Variants in TP63 observed in about 807,000 individuals in gnomAD.
TP63 encodes the protein tumor protein p63.
TP63 carries 17 observed loss-of-function variants against 82.8 expected under a neutral mutation model. The ratio of observed to expected loss-of-function variants is 0.21; its 90% confidence interval spans 0.14 to 0.31. TP63 has a LOEUF of 0.31. Among genes scored for constraint, TP63 ranks in the 10% least tolerant of loss-of-function variants. The pLI is 1.00. For missense variants in TP63, 648 were observed against 895.3 expected (o/e 0.72, Z 3.52); for synonymous variants, 330 against 321.7 (o/e 1.03, Z -0.28).
At chr3:189,691,305 C>T (rs1222300572) in intron 1 of TP63, among the ~76,000 whole-genome samples, 2 of 132,776 alleles carry the variant, frequency 1.5e-5, no homozygotes, top group African/African-American at 5.6e-5. Flanking sequence ...TGCCACTGCA[C>T]TCCAGCCTGG....
intron 4 of TP63, among the ~76,000 whole-genome samples, chr3:189,861,080 T>G (rs79236509): frequency 0.031 from 4,747 of 151,908 alleles, 227 homozygotes; most frequent in African/African-American, 0.1. Context: ...GTTTTTGTGG[T>G]TTTTTTTCGT....
intron 1 of TP63, among the ~76,000 whole-genome samples, chr3:189,635,536 G>A (rs1386682171): frequency 6.6e-6 from 1 of 152,014 alleles, no homozygotes; most frequent in East Asian, 1.9e-4. Context: ...TCTCCTGCAG[G>A]AGAGTGAAGT....
At chr3:189,667,388 T>C (rs1332658959) in intron 1 of TP63, among the ~76,000 whole-genome samples, 1 of 152,004 alleles carries the variant, frequency 6.6e-6, no homozygotes, top group Non-Finnish European at 1.5e-5. Context: ...TTGACCAGGC[T>C]GTTCTCAAGT....
chr3:189,885,426 A>C (rs985368257), intron 10 of TP63, among the ~76,000 whole-genome samples: 1 of 152,208 alleles, frequency 6.6e-6, no homozygotes, highest in African/African-American at 2.4e-5. Flanking sequence ...AAATGTATGT[A>C]GTTTATATAG....
chr3:189,811,574 G>A (rs1406850736), intron 4 of TP63, among the ~76,000 whole-genome samples: 2 of 152,140 alleles, frequency 1.3e-5, no homozygotes, highest in African/African-American at 4.8e-5. Context: ...ATGGATACCT[G>A]CATCTTAGCT....
Position 189,777,845 on chromosome 3 carries a change from C to CTTTTTTTTTTT in TP63, c.325-30409_325-30399dup, listed in dbSNP as rs55731981. The stretch of plus-strand genomic sequence containing the variant: ...GAGTCTTCTTCTTCTTCTTCTTCTT[C>CTTTTTTTTTTT]TTTTTTTTTTTTTTTTTTTTTTTTT... On this transcript the variant is annotated intron_variant, in intron 3 of 13. Transcript: ENST00000264731. 1.3e-3 allele frequency among the ~76,000 whole-genome samples: 48 copies of CTTTTTTTTTTT among 37,780 alleles called. 2 individuals carry two copies. Among genetic ancestry groups the CTTTTTTTTTTT allele is most frequent in the African/African-American group, 1.5e-3 (13 of 8,516 alleles). The allele number at this position is 37,780 out of a possible 152,430, so 24.8% of individuals were successfully genotyped here.
chr3:189,814,323 T>C (rs1727922662), intron 4 of TP63, among the ~76,000 whole-genome samples: 1 of 152,222 alleles, frequency 6.6e-6, no homozygotes, highest in African/African-American at 2.4e-5. Context: ...CAGTTTTCTT[T>C]CACAGTGGAA....
At chr3:189,775,143 C>T (rs1384175662) in intron 3 of TP63, among the ~76,000 whole-genome samples, 4 of 147,534 alleles carry the variant, frequency 2.7e-5, no homozygotes, top group Non-Finnish European at 4.4e-5. Context: ...TCGCTGGAAC[C>T]TGGGAGGCGG....
the TP63 span, among the ~76,000 whole-genome samples, chr3:189,607,617 A>G: frequency 1.3e-5 from 2 of 151,874 alleles, no homozygotes; most frequent in East Asian, 1.9e-4. Context: ...TAGTGAGTAT[A>G]TAAATTTGTT....
chr3:189,643,834 G>T (rs1712151158), intron 1 of TP63, among the ~76,000 whole-genome samples: 1 of 152,066 alleles, frequency 6.6e-6, no homozygotes, highest in African/African-American at 2.4e-5. Context: ...ATATTTTTTA[G>T]ACAACACTGC....
intron 1 of TP63, among the ~76,000 whole-genome samples, chr3:189,705,162 C>G (rs1490446847): frequency 3.9e-5 from 6 of 152,150 alleles, no homozygotes; most frequent in Non-Finnish European, 2.9e-5. Context: ...ATCTGAGAAG[C>G]TGTATAGTGC....
At chr3:189,872,502 C>T (rs560536104) in intron 9 of TP63, among the ~76,000 whole-genome samples, 2 of 152,032 alleles carry the variant, frequency 1.3e-5, no homozygotes, top group East Asian at 3.9e-4. Context: ...TCCGCACTGC[C>T]CTTGAGGGTC....
intron 3 of TP63, among the ~76,000 whole-genome samples, chr3:189,761,417 G>T (rs1722561132): frequency 6.6e-6 from 1 of 152,106 alleles, no homozygotes; most frequent in African/African-American, 2.4e-5. Context: ...TGTAGGGCAG[G>T]GGCAAAATGC....
chr3:189,886,359 C>G, intron 10 of TP63, 35 bp from the exon 11 acceptor site: 1 of 1,608,134 alleles, frequency 6.2e-7, no homozygotes, highest in Non-Finnish European at 8.5e-7. Flanking sequence ...TTCAGTGTCC[C>G]TTGCTCACCA....
At chr3:189,642,407 G>T (rs906525157) in intron 1 of TP63, among the ~76,000 whole-genome samples, 1 of 152,102 alleles carries the variant, frequency 6.6e-6, no homozygotes, top group African/African-American at 2.4e-5. Context: ...CACCTTTAAA[G>T]GTAGTTACTA....
intron 1 of TP63, among the ~76,000 whole-genome samples, chr3:189,729,874 A>G (rs1720035707): frequency 6.6e-6 from 1 of 152,208 alleles, no homozygotes; most frequent in South Asian, 2.1e-4. Flanking sequence ...AAAAGGCAAT[A>G]CACTAAAAGG....
At position 189,865,448 on chromosome 3, in the gene TP63, G is replaced by C. The variant is rs1717600260; in HGVS notation, c.766+1030G>C. On this transcript the variant is annotated intron_variant, in intron 5 of 13. Coordinates refer to ENST00000264731, the MANE Select transcript of TP63 (RefSeq NM_003722.5). Reference sequence around the variant, plus strand: ...CTTAGATCTGATATTATAGTTCCATGAAGGGAGACTAAACAGAGAGTGCTG... The same window carrying C: ...CTTAGATCTGATATTATAGTTCCATCAAGGGAGACTAAACAGAGAGTGCTG... 2.0e-5 allele frequency among the ~76,000 whole-genome samples: 3 copies of C among 152,202 alleles called. No homozygotes were observed. In the South Asian group the frequency reaches 6.2e-4, roughly 32 times the overall value.
At chr3:189,684,959 A>AAT (rs1412572926) in intron 1 of TP63, among the ~76,000 whole-genome samples, 1 of 152,114 alleles carries the variant, frequency 6.6e-6, no homozygotes, top group Non-Finnish European at 1.5e-5. Context: ...TTATTTGTGT[A>AAT]ATAGATATAA....
intron 1 of TP63, among the ~76,000 whole-genome samples, chr3:189,632,207 A>G (rs1049463971): frequency 6.6e-6 from 1 of 152,132 alleles, no homozygotes; most frequent in Non-Finnish European, 1.5e-5. Context: ...AAACTGGTAA[A>G]TGAAATCTGA....
Sources: allele counts gnomAD v4.1 joint callset (sites outside exome capture counted in the v4.1 genomes callset), GRCh38; gene constraint gnomAD v4.1.1; transcripts MANE v1.5; gene names NCBI Gene and HGNC (gene_info 2026-07-23, HGNC 2026-07-21).